Variants in ASPM observed in about 807,000 individuals in gnomAD.
ASPM encodes assembly factor for spindle microtubules.
In ASPM, 256 loss-of-function variants were observed where a neutral mutation model predicts 366.4. The ratio of observed to expected loss-of-function variants is 0.70; its 90% CI spans 0.63 to 0.77. ASPM has a LOEUF of 0.77. Among genes scored for constraint, ASPM ranks in the 30% least tolerant of loss-of-function variants. The probability of loss-of-function intolerance (pLI) is 0.00; values close to 1 mark genes in which losing one functional copy is unlikely to be tolerated. For missense variants in ASPM, 4,146 were observed against 4,090.4 expected (o/e 1.01, Z -0.37); for synonymous variants, 1,414 against 1,342.9 (o/e 1.05, Z -1.16).
At chr1:197,114,574 A>C (rs1459336162) in intron 17 of ASPM, among the ~76,000 whole-genome samples, 2 of 152,112 alleles carry the variant, frequency 1.3e-5, no homozygotes, top group African/African-American at 2.4e-5. Flanking sequence ...TTTTACAAAA[A>C]GTACATTTTT....
chr1:197,094,767 G>A (rs1333002822), intron 19 of ASPM, among the ~76,000 whole-genome samples: 1 of 151,652 alleles, frequency 6.6e-6, no homozygotes, highest in Non-Finnish European at 1.5e-5. Context: ...TGTGAGAATG[G>A]ACAGGTTTTC....
chr1:197,100,840 G>C lies in ASPM; in HGVS notation c.8411C>G (p.Ala2804Gly). Residue 2804 changes from alanine to glycine, a missense_variant, in exon 18 of 28, where the codon GCT (alanine) becomes GGT (glycine). Coordinates refer to ENST00000367409, the MANE Select transcript of ASPM (RefSeq NM_018136.5). ...ATGATACTCTGCTTCCTGTGAACAA[G>C]CAAGGCCAGAAGCTTTATACCACTC... is the stretch of plus-strand genomic sequence containing the variant. The part of the protein sequence containing the change: ...IQEWYKASGL[A>G]CSQEAEYHSQ... 1.2e-6 allele frequency: 2 copies of C among 1,612,556 alleles called. No homozygotes were observed. The highest frequency in any genetic ancestry group is 1.7e-6 in the Non-Finnish European group (2 of 1,179,100).
intron 12 of ASPM, 41 bp from the exon 13 acceptor site, chr1:197,124,372 C>T (rs1658018574): frequency 1.5e-6 from 2 of 1,330,188 alleles, no homozygotes; most frequent in African/African-American, 1.5e-5. Context: ...TTCATATTTT[C>T]CATAGATTAT....
intron 17 of ASPM, among the ~76,000 whole-genome samples, chr1:197,115,445 C>T (rs1300078985): frequency 2.0e-5 from 3 of 152,146 alleles, no homozygotes; most frequent in South Asian, 2.1e-4. Flanking sequence ...CCTCCTCCTA[C>T]GAATCATGAA....
chr1:197,103,442 C>T lies in ASPM; in HGVS notation c.5809G>A (p.Gly1937Arg), dbSNP rs751926583. 6.2e-7 allele frequency: 1 copy of T among 1,613,352 alleles called. No homozygotes were observed. The highest frequency in any genetic ancestry group is 1.1e-5 in the South Asian group (1 of 91,078). Residue 1937 changes from glycine to arginine, a missense_variant, in exon 18 of 28, where the codon GGA becomes AGA. By Grantham distance (125) the Gly-to-Arg change is moderately radical. Transcript: ENST00000367409. ...ATATACTCCATACATTGCTTCCTTC[C>T]TGCAGTCCATGCTCTGAAATTTTGC... ...IQQNFRAWTA[G>R]RKQCMEYIEL...
In ASPM at chr1:197,133,600, G is replaced by A. The variant is rs911328284; in HGVS notation, c.2174-5C>T. Reference sequence around the variant, plus strand: ...AAAGAAGAGTAGCAGCATTTACTGGGTAAAAACAAAAGAAAGAATGTTTCT... The same window carrying A: ...AAAGAAGAGTAGCAGCATTTACTGGATAAAAACAAAAGAAAGAATGTTTCT... On this transcript the variant is annotated splice_polypyrimidine_tract_variant and splice_region_variant and intron_variant, in intron 5 of 27. Coordinates refer to ENST00000367409, the MANE Select transcript of ASPM (RefSeq NM_018136.5). 6.2e-7 allele frequency: 1 copy of A among 1,611,892 alleles called. No individual in the cohort carries two copies. Among genetic ancestry groups the A allele is most frequent in the Non-Finnish European group, 8.5e-7 (1 of 1,178,292 alleles).
At chr1:197,110,881 T>C (rs2125099416) in intron 17 of ASPM, among the ~76,000 whole-genome samples, 1 of 151,854 alleles carries the variant, frequency 6.6e-6, no homozygotes, top group South Asian at 2.1e-4. Flanking sequence ...CAATAAACGG[T>C]CAGTGCAGAA....
intron 16 of ASPM, among the ~76,000 whole-genome samples, chr1:197,119,170 T>C (rs1052736192): frequency 2.6e-5 from 4 of 152,180 alleles, no homozygotes; most frequent in Admixed American, 6.6e-5. Context: ...GTGCTATATA[T>C]TGGATCATTC....
chr1:197,086,097 A>T (rs1656580140), intron 27 of ASPM, among the ~76,000 whole-genome samples: 1 of 152,168 alleles, frequency 6.6e-6, no homozygotes, highest in African/African-American at 2.4e-5. Flanking sequence ...CCAATTTATA[A>T]CTACATTATA....
rs1656508725 is a variant in ASPM at position 197,084,207 on chromosome 1, T to A, written c.*117A>T. Reference sequence around the variant, plus strand: ...AAGAATGTAATGAACAGTTTATGTTTTTTTAAAACAAAGTCAGATTTTAAA... The same window carrying A: ...AAGAATGTAATGAACAGTTTATGTTATTTTAAAACAAAGTCAGATTTTAAA... On this transcript the variant is annotated 3_prime_UTR_variant, in exon 28 of 28. Transcript: ENST00000367409. 1 of 740,890 alleles carries A rather than the reference T, an allele frequency of 1.3e-6. No homozygotes were observed. The highest frequency in any genetic ancestry group is 1.8e-5 in the African/African-American group (1 of 56,670). The allele number at this position is 740,890 out of a possible 1,614,324, so 45.9% of individuals were successfully genotyped here.
chr1:197,118,099 C>A, intron 16 of ASPM, 116 bp from the exon 17 acceptor site: 1 of 961,992 alleles, frequency 1.0e-6, no homozygotes, highest in Non-Finnish European at 1.6e-6. Context: ...AATAAAACAC[C>A]CCTACACTTC....
intron 3 of ASPM, among the ~76,000 whole-genome samples, 170 bp from the exon 4 acceptor site, chr1:197,140,041 C>T (rs552054125): frequency 8.5e-5 from 13 of 152,186 alleles, no homozygotes; most frequent in Admixed American, 1.3e-4. Context: ...GTTTATCAAA[C>T]CAACATCCAG....
At chr1:197,095,705 T>C (rs1256067997) in intron 19 of ASPM, among the ~76,000 whole-genome samples, 1 of 151,730 alleles carries the variant, frequency 6.6e-6, no homozygotes, top group Non-Finnish European at 1.5e-5. Context: ...TAAATGATTT[T>C]ATTCACTTCC....
At chr1:197,120,873 G>A (rs1245386010) in intron 16 of ASPM, among the ~76,000 whole-genome samples, 1 of 152,116 alleles carries the variant, frequency 6.6e-6, no homozygotes, top group African/African-American at 2.4e-5. Context: ...TTAAGACCCT[G>A]CCTATTTCCC....
intron 4 of ASPM, 56 bp from the exon 5 acceptor site, chr1:197,135,298 T>G: frequency 6.5e-7 from 1 of 1,535,974 alleles, no homozygotes; most frequent in Non-Finnish European, 9.0e-7. Flanking sequence ...TATTGTACAA[T>G]ATACAGCAAA....
chr1:197,090,946 C>T lies in ASPM; in HGVS notation c.9540G>A (p.Gln3180=), dbSNP rs530083972. 1.5e-4 allele frequency: 242 copies of T among 1,613,328 alleles called. 3 individuals are homozygous for T. The South Asian group carries it at 2.4e-3, about 16-fold the overall frequency. The change falls in exon 23 of 28, where the codon CAG becomes CAA. Residue 3180 remains glutamine (Q), a synonymous_variant. Transcript: ENST00000367409. The part of the protein sequence containing the change: ...IEHEGQECLS[Q]RNRAASVIQK... ...GTATTACTGATGCAGCCCTATTTCG[C>T]TGGCTCAGACATTCTTGACCTTCAT...
Position 197,100,652 on chromosome 1 carries a change from G to A in ASPM, c.8599C>T (p.Gln2867Ter). 1.2e-6 allele frequency: 2 copies of A among 1,612,166 alleles called. No homozygotes were observed. Among genetic ancestry groups the A allele is most frequent in the Non-Finnish European group, 1.7e-6 (2 of 1,178,926 alleles). ...VQQKRAAITL[Q>*]HYFRTWQTRK... ...GTTTGCCACGTCCTAAAATAATGCTGTAAAGTGATAGCAGCTCTTTTCTGC... is the reference window on the plus strand; with the variant it reads ...GTTTGCCACGTCCTAAAATAATGCTATAAAGTGATAGCAGCTCTTTTCTGC... Residue 2867 changes from glutamine to a stop codon, truncating the protein, a stop_gained, in exon 18 of 28, where the codon CAG becomes TAG. Transcript: ENST00000367409. LOFTEE classifies it high-confidence loss of function.
At chr1:197,136,381 G>A (rs1000249927) in intron 4 of ASPM, among the ~76,000 whole-genome samples, 2 of 152,090 alleles carry the variant, frequency 1.3e-5, no homozygotes, top group African/African-American at 4.8e-5. Flanking sequence ...ATTTTGGTTT[G>A]TAACTCCGCT....
At chr1:197,133,922 A>AT (rs947695765) in intron 5 of ASPM, among the ~76,000 whole-genome samples, 2 of 152,206 alleles carry the variant, frequency 1.3e-5, no homozygotes, top group Non-Finnish European at 2.9e-5. Flanking sequence ...AAGGAATATA[A>AT]TTTTTAAAAA....
Sources: allele counts gnomAD v4.1 joint callset (sites outside exome capture counted in the v4.1 genomes callset), GRCh38; gene constraint gnomAD v4.1.1; transcripts MANE v1.5; gene names NCBI Gene and HGNC (gene_info 2026-07-23, HGNC 2026-07-21).